The following MEI1 variants were observed in gnomAD, a reference collection of about 807,000 sequenced individuals.
The protein encoded by MEI1 is meiotic double-stranded break formation protein 1.
MEI1 carries 103 observed loss-of-function variants against 146.2 expected under a neutral mutation model. The observed-to-expected ratio is 0.70, with a 90% confidence interval of 0.60 to 0.83. MEI1 has a LOEUF of 0.83. Among genes scored for constraint, MEI1 ranks in the 40% least tolerant of loss-of-function variants. MEI1 has a pLI of 0.00. For synonymous variants in MEI1, 652 were observed against 628.2 expected, an observed-to-expected ratio of 1.04 and a Z score of -0.57; for missense variants, 1,529 against 1,533.0, an observed-to-expected ratio of 1.00 and a Z score of 0.04.
chr22:41,781,804 A>C lies in MEI1; in HGVS notation c.3046A>C (p.Thr1016Pro), dbSNP rs777440012. Residue 1016 changes from threonine to proline, a missense_variant, in exon 24 of 31, where the codon ACT becomes CCT. By Grantham distance (38) the Thr-to-Pro change is conservative (BLOSUM62 -1). Coordinates refer to ENST00000401548, the MANE Select transcript of MEI1 (RefSeq NM_152513.4). The stretch of plus-strand genomic sequence containing the variant: ...ACTCCTCTGCTCTGCCTGGCTGCTC[A>C]CTGCCTCCTTCTCTGCCCAGCAGCA... ...TALLCSAWLL[T>P]ASFSAQQHKG... 1 of 1,613,870 alleles carries C rather than the reference A, an allele frequency of 6.2e-7. No homozygotes were observed. The highest frequency in any genetic ancestry group is 1.3e-5 in the African/African-American group (1 of 74,948).
intron 6 of MEI1, among the ~76,000 whole-genome samples, chr22:41,719,805 C>T (rs2147393994): frequency 6.6e-6 from 1 of 152,234 alleles, no homozygotes; most frequent in Middle Eastern, 3.4e-3. Context: ...CTGTTCTAAG[C>T]AGGGAGATTT....
intron 13 of MEI1, 112 bp downstream of exon 13, chr22:41,745,176 T>C (rs1341359459): frequency 2.6e-6 from 2 of 769,124 alleles, no homozygotes; most frequent in South Asian, 2.5e-5. Context: ...CTCTGCTGTA[T>C]GGCAAAGAGG....
intron 5 of MEI1, 137 bp from the exon 6 acceptor site, chr22:41,717,934 A>T: frequency 2.8e-6 from 2 of 708,506 alleles, no homozygotes; most frequent in Non-Finnish European, 4.5e-6. Context: ...CCTTTAGATT[A>T]AGCATGCAGA....
At chr22:41,752,786 C>T (rs1035523819) in intron 16 of MEI1, 135 bp downstream of exon 16, 12 of 764,498 alleles carry the variant, frequency 1.6e-5, no homozygotes, top group Non-Finnish European at 2.8e-5. Flanking sequence ...CATTGCTCAG[C>T]ATCTGGTGCA....
chr22:41,730,403 T>A, intron 8 of MEI1, 118 bp from the exon 9 acceptor site: 1 of 675,562 alleles, frequency 1.5e-6, no homozygotes, highest in East Asian at 2.8e-5. Flanking sequence ...GGAGAGGATA[T>A]GTGAACAGAT....
intron 24 of MEI1, 90 bp from the exon 25 acceptor site, chr22:41,784,249 G>C (rs1273708814): frequency 9.0e-7 from 1 of 1,116,626 alleles, no homozygotes; most frequent in African/African-American, 1.5e-5. Context: ...GATATGTGGG[G>C]GGAGGTGATA....
chr22:41,708,749 C>G (rs2069298384), intron 3 of MEI1, among the ~76,000 whole-genome samples: 1 of 152,172 alleles, frequency 6.6e-6, no homozygotes, highest in South Asian at 2.1e-4. Context: ...AGGCACTGTT[C>G]TTTCGACAGA....
chr22:41,774,011 T>C (rs1197119353), intron 20 of MEI1, among the ~76,000 whole-genome samples: 2 of 152,190 alleles, frequency 1.3e-5, no homozygotes, highest in Non-Finnish European at 2.9e-5. Flanking sequence ...GATACCAATT[T>C]CTGTTTTTTA....
chr22:41,745,525 T>C (rs375737601), intron 13 of MEI1, among the ~76,000 whole-genome samples: 1 of 152,134 alleles, frequency 6.6e-6, no homozygotes, highest in African/African-American at 2.4e-5. Context: ...CTTTTTGGTA[T>C]ATATGTGGGA....
intron 26 of MEI1, among the ~76,000 whole-genome samples, chr22:41,786,374 A>G (rs1431296438): frequency 6.6e-6 from 1 of 152,186 alleles, no homozygotes; most frequent in Admixed American, 6.5e-5. Context: ...CTACAGTGAC[A>G]GAAACAAAAC....
Position 41,770,886 on chromosome 22 carries a change from G to C in MEI1, c.2469G>C (p.Gln823His), listed in dbSNP as rs372214277. The C allele has an allele frequency of 5.6e-6, 9 of 1,614,026 alleles. No individual in the cohort carries two copies. In the African/African-American group the frequency reaches 1.1e-4, roughly 19 times the overall value. ...EELDDVTSAG[Q>H]PALPASLVVL... ...TGGATGATGTCACCTCTGCTGGGCA[G>C]CCCGCCCTTCCTGCCAGCTTAGTAG... The change falls in exon 20 of 31, where the codon CAG (glutamine) becomes CAC (histidine). Residue 823 changes from glutamine to histidine, a missense_variant. By Grantham distance (24) the Gln-to-His change is conservative (BLOSUM62 0). Coordinates refer to ENST00000401548, the MANE Select transcript of MEI1 (RefSeq NM_152513.4).
chr22:41,723,835 T>A, intron 6 of MEI1, 108 bp from the exon 7 acceptor site: 3 of 1,319,206 alleles, frequency 2.3e-6, no homozygotes, highest in Non-Finnish European at 3.1e-6. Flanking sequence ...TTCTTCATAT[T>A]TGTAGAGGGA....
intron 15 of MEI1, among the ~76,000 whole-genome samples, chr22:41,750,675 G>A (rs1457688478): frequency 3.3e-5 from 5 of 152,200 alleles, no homozygotes; most frequent in African/African-American, 1.2e-4. Context: ...AGGAGCAGTA[G>A]AGAGACTGGT....
intron 5 of MEI1, 50 bp downstream of exon 5, chr22:41,716,196 C>G (rs767799725): frequency 7.8e-7 from 1 of 1,287,854 alleles, no homozygotes; most frequent in Non-Finnish European, 1.1e-6. Context: ...CTGCTTTTAT[C>G]ATACTGCCAT....
chr22:41,729,819 A>G, intron 8 of MEI1, 40 bp downstream of exon 8: 8 of 1,376,548 alleles, frequency 5.8e-6, no homozygotes, highest in Non-Finnish European at 8.0e-6. Context: ...CTATACTAGA[A>G]GGATGGGGTG....
intron 4 of MEI1, among the ~76,000 whole-genome samples, chr22:41,715,633 G>A (rs985288372): frequency 8.6e-5 from 13 of 151,998 alleles, no homozygotes; most frequent in Admixed American, 3.9e-4. Flanking sequence ...CTGACCTCGT[G>A]ATCCGCCCGC....
chr22:41,767,796 C>T (rs996845930), intron 19 of MEI1, among the ~76,000 whole-genome samples: 5 of 152,110 alleles, frequency 3.3e-5, no homozygotes, highest in African/African-American at 1.2e-4. Flanking sequence ...AAAAAGATCT[C>T]CTATGGGTCA....
intron 4 of MEI1, among the ~76,000 whole-genome samples, chr22:41,715,301 T>C (rs2070006812): frequency 6.6e-6 from 1 of 152,022 alleles, no homozygotes; most frequent in Admixed American, 6.6e-5. Context: ...AAAGGTAAAA[T>C]ATGGACTATT....
At chr22:41,711,735 C>T (rs954632923) in intron 3 of MEI1, among the ~76,000 whole-genome samples, 2 of 152,134 alleles carry the variant, frequency 1.3e-5, no homozygotes, top group African/African-American at 2.4e-5. Context: ...CTTTTCCAAC[C>T]TTACCAAATC....
Sources: gnomAD v4.1 joint callset for allele counts (sites outside exome capture counted in the v4.1 genomes callset) on GRCh38, gnomAD v4.1.1 for gene constraint, MANE v1.5 for transcripts, NCBI Gene and HGNC (gene_info 2026-07-23, HGNC 2026-07-21) for gene names.